VWA8: variants seen among roughly 807,000 people sequenced by gnomAD.
The protein encoded by VWA8 is von Willebrand factor A domain containing 8, also known as von Willebrand factor A domain-containing protein 8.
A neutral mutation model predicts 241.5 loss-of-function variants in VWA8; 221 were observed. That is an observed-to-expected ratio of 0.91 (90% CI 0.82 to 1.02). VWA8 has a LOEUF of 1.02. Among genes scored for constraint, VWA8 ranks in the 50% least tolerant of loss-of-function variants. The probability of loss-of-function intolerance (pLI) is 0.00; values close to 1 mark genes in which losing one functional copy is unlikely to be tolerated. For synonymous variants in VWA8, 852 were observed against 827.1 expected (o/e 1.03, Z -0.52); for missense variants, 2,322 against 2,328.7 (o/e 1.00, Z 0.06).
At chr13:41,928,819 C>G (rs1876967869) in intron 2 of VWA8, among the ~76,000 whole-genome samples, 1 of 150,490 alleles carries the variant, frequency 6.6e-6, no homozygotes, top group South Asian at 2.1e-4. Context: ...ACTGATAAAC[C>G]TTCAGCTTGT....
chr13:41,818,643 A>T (rs978955058), intron 15 of VWA8, among the ~76,000 whole-genome samples: 5 of 152,184 alleles, frequency 3.3e-5, no homozygotes, highest in African/African-American at 9.7e-5. Flanking sequence ...AAACTCCAAA[A>T]GTGCTAACCA....
At chr13:41,691,218 A>G in intron 32 of VWA8, 102 bp downstream of exon 32, 1 of 1,382,506 alleles carries the variant, frequency 7.2e-7, no homozygotes. Flanking sequence ...GAAATTGTTA[A>G]AGGACAGACA....
At chr13:41,864,989 CAAAA>C (rs35515775) in intron 12 of VWA8, among the ~76,000 whole-genome samples, 2 of 75,104 alleles carry the variant, frequency 2.7e-5, no homozygotes, top group African/African-American at 5.8e-5. Context: ...AACTCCATCT[CAAAA>C]AAAAAAAAAA....
At chr13:41,576,699 C>T (rs1252715305) in intron 42 of VWA8, among the ~76,000 whole-genome samples, 1 of 152,222 alleles carries the variant, frequency 6.6e-6, no homozygotes, top group Non-Finnish European at 1.5e-5. Context: ...AAAAGATATA[C>T]ATCAGGCTAC....
chr13:41,753,921 T>A (rs981245523), intron 21 of VWA8, among the ~76,000 whole-genome samples: 17 of 152,284 alleles, frequency 1.1e-4, no homozygotes, highest in Admixed American at 1.1e-3. Flanking sequence ...CTTTTTTAGG[T>A]CTTTTAGACA....
At chr13:41,848,466 A>C (rs1872384178) in intron 12 of VWA8, among the ~76,000 whole-genome samples, 1 of 152,164 alleles carries the variant, frequency 6.6e-6, no homozygotes, top group South Asian at 2.1e-4. Context: ...CATGGGCGGA[A>C]CCAGGTGGAG....
chr13:41,949,372 G>C (rs913607365), intron 2 of VWA8, among the ~76,000 whole-genome samples: 1 of 151,998 alleles, frequency 6.6e-6, no homozygotes, highest in Non-Finnish European at 1.5e-5. Context: ...AACTAACACA[G>C]GTACAGAAAA....
In VWA8 at chr13:41,612,881, G is replaced by A. The variant is rs77671522; in HGVS notation, c.4721-1149C>T. On this transcript the variant is annotated intron_variant, in intron 38 of 44. Coordinates refer to ENST00000379310, the MANE Select transcript of VWA8 (RefSeq NM_015058.2). ...ACTACTTAACTTCTCTGTGTCTCAGGCTCCTCTTTATAAAGTGGGGATACT... is the reference window on the plus strand; with the variant it reads ...ACTACTTAACTTCTCTGTGTCTCAGACTCCTCTTTATAAAGTGGGGATACT... Among the ~76,000 whole-genome samples the A allele has an allele frequency of 3.9e-3, 595 of 152,148 alleles. 7 individuals are homozygous for A. The highest frequency in any genetic ancestry group is 0.013 in the African/African-American group (533 of 41,508).
At chr13:41,871,509 T>C (rs1396147019) in intron 9 of VWA8, among the ~76,000 whole-genome samples, 1 of 152,160 alleles carries the variant, frequency 6.6e-6, no homozygotes, top group Non-Finnish European at 1.5e-5. Flanking sequence ...CCTGTGTCCA[T>C]GTGTTCTCAT....
chr13:41,725,768 T>A (rs2045428192), intron 24 of VWA8, among the ~76,000 whole-genome samples: 1 of 152,150 alleles, frequency 6.6e-6, no homozygotes. Flanking sequence ...AGGGGTGACC[T>A]ACAAACATAA....
chr13:41,733,024 T>G (rs2045497192), intron 21 of VWA8, among the ~76,000 whole-genome samples: 1 of 152,180 alleles, frequency 6.6e-6, no homozygotes, highest in Admixed American at 6.5e-5. Flanking sequence ...GTTCAGCTAT[T>G]TTTTCAAACT....
intron 21 of VWA8, among the ~76,000 whole-genome samples, chr13:41,759,770 T>A (rs541800295): frequency 1.3e-5 from 2 of 151,886 alleles, no homozygotes; most frequent in South Asian, 4.1e-4. Flanking sequence ...TCCTATTGAA[T>A]GCTTGACTCA....
At chr13:41,791,884 T>C (rs1869477296) in intron 17 of VWA8, among the ~76,000 whole-genome samples, 2 of 151,842 alleles carry the variant, frequency 1.3e-5, no homozygotes, top group Non-Finnish European at 3.0e-5. Flanking sequence ...TGTAAGTCTA[T>C]CTTTAAAGCA....
intron 21 of VWA8, among the ~76,000 whole-genome samples, chr13:41,735,302 T>C (rs2045516515): frequency 6.6e-6 from 1 of 152,196 alleles, no homozygotes; most frequent in Non-Finnish European, 1.5e-5. Flanking sequence ...TTGTGCTTCA[T>C]AGCAGATTAA....
chr13:41,784,893 T>C (rs936252790), intron 18 of VWA8, among the ~76,000 whole-genome samples: 3 of 150,894 alleles, frequency 2.0e-5, no homozygotes, highest in Non-Finnish European at 4.4e-5. Flanking sequence ...GGAAACTGTC[T>C]TATGCAATTA....
chr13:41,570,824 T>C (rs1049281137), intron 43 of VWA8, 118 bp from the exon 44 acceptor site: 2 of 798,176 alleles, frequency 2.5e-6, no homozygotes, highest in Non-Finnish European at 4.0e-6. Flanking sequence ...CCATGAGTAG[T>C]ACATTCTAAG....
chr13:41,874,791 GAA>G (rs900356603), intron 9 of VWA8, among the ~76,000 whole-genome samples: 44 of 152,154 alleles, frequency 2.9e-4, no homozygotes, highest in African/African-American at 9.9e-4. Flanking sequence ...CATGTTGCCT[GAA>G]CAAATATGTT....
intron 42 of VWA8, among the ~76,000 whole-genome samples, chr13:41,586,714 A>G (rs2044420641): frequency 6.6e-6 from 1 of 152,162 alleles, no homozygotes; most frequent in Non-Finnish European, 1.5e-5. Context: ...GCAATCTAAG[A>G]TCACTGATTT....
chr13:41,767,636 C>G (rs2137914925), intron 20 of VWA8, among the ~76,000 whole-genome samples: 1 of 152,294 alleles, frequency 6.6e-6, no homozygotes, highest in East Asian at 1.9e-4. Flanking sequence ...GGTCAACAAA[C>G]AGTAGTCAGA....
Sources: allele counts gnomAD v4.1 joint callset (sites outside exome capture counted in the v4.1 genomes callset), GRCh38; gene constraint gnomAD v4.1.1; transcripts MANE v1.5; gene names NCBI Gene and HGNC (gene_info 2026-07-23, HGNC 2026-07-21).